CSMD3: variants seen among roughly 807,000 people sequenced by gnomAD.
The protein encoded by CSMD3 is CUB and sushi domain-containing protein 3.
CSMD3 carries 177 observed loss-of-function variants against 435.2 expected under a neutral mutation model. The observed-to-expected ratio is 0.41, with a 90% CI of 0.36 to 0.46. The LOEUF is 0.46. CSMD3 is among the 20% of genes least tolerant of loss of function. CSMD3 has a pLI of 0.34. For synonymous variants in CSMD3, 1,656 were observed against 1,520.5 expected (o/e 1.09, Z -2.07); for missense variants, 4,265 against 4,504.6 (o/e 0.95, Z 1.52).
intron 35 of CSMD3, among the ~76,000 whole-genome samples, chr8:112,396,148 G>GA (rs148557781): frequency 5.5e-4 from 82 of 148,924 alleles, no homozygotes; most frequent in East Asian, 1.6e-3. Context: ...TACTGTGACA[G>GA]AAAAAAAAAC....
rs533762825 is a variant in CSMD3 at position 113,224,738 on chromosome 8, C to G, written c.515-50822G>C. On this transcript the variant is annotated intron_variant, in intron 3 of 70. Transcript: ENST00000297405. ...AACCACCTGTGTCTTCCAACATTCA[C>G]AGAGGAGAGGCAATAGATGTGTCTT... Among the ~76,000 whole-genome samples, 7 of 151,170 alleles carry G rather than the reference C, an allele frequency of 4.6e-5. No homozygotes were observed. The South Asian group carries it at 1.5e-3, about 31-fold the overall frequency.
At chr8:112,465,704 G>A (rs1263480519) in intron 32 of CSMD3, among the ~76,000 whole-genome samples, 1 of 152,056 alleles carries the variant, frequency 6.6e-6, no homozygotes, top group Non-Finnish European at 1.5e-5. Context: ...GCTGGGTGTG[G>A]CGGTTCACAC....
intron 15 of CSMD3, among the ~76,000 whole-genome samples, chr8:112,684,327 C>T (rs1439429990): frequency 2.0e-5 from 3 of 152,016 alleles, no homozygotes; most frequent in Admixed American, 1.3e-4. Flanking sequence ...CAATTTACAG[C>T]GACACTATTC....
At chr8:112,264,478 G>T (rs550369187) in intron 60 of CSMD3, among the ~76,000 whole-genome samples, 1 of 152,084 alleles carries the variant, frequency 6.6e-6, no homozygotes, top group Non-Finnish European at 1.5e-5. Context: ...CATGAGGAAT[G>T]ACTGTATTAT....
intron 20 of CSMD3, among the ~76,000 whole-genome samples, chr8:112,642,283 C>T (rs1014123808): frequency 1.3e-5 from 2 of 151,922 alleles, no homozygotes; most frequent in Non-Finnish European, 1.5e-5. Flanking sequence ...TCCTGATGTA[C>T]ATTTTTTTCT....
intron 27 of CSMD3, among the ~76,000 whole-genome samples, chr8:112,532,425 ACT>A (rs1395416361): frequency 6.6e-6 from 1 of 152,136 alleles, no homozygotes; most frequent in African/African-American, 2.4e-5. Flanking sequence ...TAATAATCAA[ACT>A]CTCAAATGTC....
chr8:112,403,301 G>T (rs542708737), intron 35 of CSMD3, among the ~76,000 whole-genome samples: 2 of 152,236 alleles, frequency 1.3e-5, no homozygotes, highest in Admixed American at 6.5e-5. Context: ...ACTTTAAAGA[G>T]AACTATTTTA....
intron 1 of CSMD3, among the ~76,000 whole-genome samples, chr8:113,344,394 A>T (rs2094139125): frequency 6.6e-6 from 1 of 152,124 alleles, no homozygotes; most frequent in African/African-American, 2.4e-5. Context: ...TCTTGTTTTG[A>T]CCACAATGCA....
At chr8:112,629,618 A>G (rs2074456623) in intron 22 of CSMD3, among the ~76,000 whole-genome samples, 1 of 152,150 alleles carries the variant, frequency 6.6e-6, no homozygotes, top group Non-Finnish European at 1.5e-5. Flanking sequence ...ATGTAAAGAA[A>G]TGTCAGTAGA....
At chr8:113,036,596 T>C (rs1195744461) in intron 5 of CSMD3, among the ~76,000 whole-genome samples, 3 of 152,084 alleles carry the variant, frequency 2.0e-5, no homozygotes, top group Admixed American at 2.0e-4. Context: ...ATGTGGCTGC[T>C]AAATCTAGAA....
intron 23 of CSMD3, among the ~76,000 whole-genome samples, chr8:112,577,846 A>C (rs1830059361): frequency 6.6e-6 from 1 of 152,108 alleles, no homozygotes; most frequent in South Asian, 2.1e-4. Flanking sequence ...TAAATATATA[A>C]ATAGAAGGCA....
At chr8:112,485,633 A>G (rs1586479785) in intron 31 of CSMD3, among the ~76,000 whole-genome samples, 1 of 152,170 alleles carries the variant, frequency 6.6e-6, no homozygotes, top group Non-Finnish European at 1.5e-5. Flanking sequence ...TCTGAATTAT[A>G]TATACCCAAA....
intron 3 of CSMD3, among the ~76,000 whole-genome samples, chr8:113,212,024 T>G (rs983131197): frequency 6.6e-6 from 1 of 152,134 alleles, no homozygotes; most frequent in Non-Finnish European, 1.5e-5. Flanking sequence ...TATTAATAAA[T>G]GACTAAAAAT....
intron 6 of CSMD3, among the ~76,000 whole-genome samples, chr8:112,993,886 A>G (rs1049072373): frequency 9.9e-5 from 15 of 151,774 alleles, no homozygotes; most frequent in South Asian, 6.2e-4. Flanking sequence ...TTGGTGATAC[A>G]TGTAGGAGTT....
At chr8:112,452,050 T>C (rs1816347508) in intron 32 of CSMD3, among the ~76,000 whole-genome samples, 1 of 152,168 alleles carries the variant, frequency 6.6e-6, no homozygotes, top group Non-Finnish European at 1.5e-5. Context: ...TCTGTTTATA[T>C]ACAGTCTGCC....
chr8:112,371,381 A>G (rs1828375138), intron 38 of CSMD3, among the ~76,000 whole-genome samples: 1 of 152,106 alleles, frequency 6.6e-6, no homozygotes, highest in Admixed American at 6.5e-5. Flanking sequence ...TTTCATGAGA[A>G]GCAGCACATA....
intron 30 of CSMD3, among the ~76,000 whole-genome samples, chr8:112,493,138 C>T (rs909588177): frequency 3.9e-5 from 6 of 152,016 alleles, no homozygotes; most frequent in African/African-American, 9.7e-5. Flanking sequence ...AGCCCTTGTG[C>T]ATATCTGACA....
At chr8:113,210,124 G>C (rs1250564010) in intron 3 of CSMD3, among the ~76,000 whole-genome samples, 2 of 150,984 alleles carry the variant, frequency 1.3e-5, no homozygotes, top group East Asian at 3.9e-4. Context: ...TCAGCTACTG[G>C]AAGTATCATA....
At chr8:112,579,840 C>T (rs937840323) in intron 23 of CSMD3, among the ~76,000 whole-genome samples, 2 of 152,020 alleles carry the variant, frequency 1.3e-5, no homozygotes, top group African/African-American at 4.8e-5. Flanking sequence ...ATCATTCCTC[C>T]TAACCTTTTC....
Sources: allele counts gnomAD v4.1 joint callset (sites outside exome capture counted in the v4.1 genomes callset), GRCh38; gene constraint gnomAD v4.1.1; transcripts MANE v1.5; gene names NCBI Gene and HGNC (gene_info 2026-07-23, HGNC 2026-07-21).